KCNAB2: variants seen among roughly 807,000 people sequenced by gnomAD.
KCNAB2 encodes voltage-gated potassium channel subunit beta-2.
Under a neutral mutation model 63.6 loss-of-function variants are expected in KCNAB2, and 29 were observed. The observed-to-expected ratio is 0.46, with a 90% CI of 0.34 to 0.62. The LOEUF is 0.62. KCNAB2 is among the 20% of genes least tolerant of loss of function. The pLI, the probability that KCNAB2 is intolerant of heterozygous loss-of-function variation, is 0.01. For synonymous variants in KCNAB2, 222 were observed against 224.2 expected, an observed-to-expected ratio of 0.99 and a Z score of 0.09; for missense variants, 359 against 563.9, an observed-to-expected ratio of 0.64 and a Z score of 3.68.
rs1029377051 is a variant in KCNAB2, at chr1:6,096,023, C to T, written c.948+399C>T. Reference sequence around the variant, plus strand: ...CACATGGAGGTGACCCTGGGAGAGGCGCCCCTCCCCACCACACAACCTCTG... The same window carrying T: ...CACATGGAGGTGACCCTGGGAGAGGTGCCCCTCCCCACCACACAACCTCTG... On this transcript the variant is annotated intron_variant, in intron 13 of 15. Coordinates refer to ENST00000378083, the MANE Select transcript of KCNAB2 (RefSeq NM_001199862.2). The surrounding 1 kb of genome is among the most constrained non-coding windows in gnomAD (Gnocchi z 5.9). 4 of 456,764 alleles carry T rather than the reference C, an allele frequency of 8.8e-6. No individual in the cohort carries two copies. The highest frequency in any genetic ancestry group is 2.0e-5 in the African/African-American group (1 of 50,276). 28.3% of individuals were successfully genotyped at this position (456,764 alleles called of 1,614,324 possible). A position where few individuals can be genotyped will look rare whatever the true frequency, so the allele number is the denominator to read the frequency against.
At chr1:6,058,088 C>T (rs867424241) in intron 2 of KCNAB2, among the ~76,000 whole-genome samples, 1 of 152,138 alleles carries the variant, frequency 6.6e-6, no homozygotes, top group African/African-American at 2.4e-5. Flanking sequence ...GCAGAGTCTG[C>T]AGTGAGCCGA....
At chr1:6,004,714 C>CA (rs1434624493) in intron 1 of KCNAB2, among the ~76,000 whole-genome samples, 3 of 152,154 alleles carry the variant, frequency 2.0e-5, no homozygotes, top group African/African-American at 7.2e-5. Flanking sequence ...ACCTTAATTA[C>CA]ATCTGCAAAA....
chr1:6,016,440 A>AC (rs1658504261), intron 1 of KCNAB2, among the ~76,000 whole-genome samples: 1 of 152,122 alleles, frequency 6.6e-6, no homozygotes, highest in Admixed American at 6.5e-5. Flanking sequence ...CAATGTGTCC[A>AC]CCCCCTTGAG....
upstream of KCNAB2, among the ~76,000 whole-genome samples, chr1:6,043,547 G>C (rs571478075): frequency 1.3e-5 from 2 of 152,196 alleles, no homozygotes; most frequent in African/African-American, 4.8e-5. Flanking sequence ...CATCCTACCC[G>C]TTGGATCTCC....
intron 1 of KCNAB2, among the ~76,000 whole-genome samples, chr1:6,002,695 C>G (rs1657323885): frequency 6.6e-6 from 1 of 152,216 alleles, no homozygotes; most frequent in Non-Finnish European, 1.5e-5. Context: ...CAGAGAAGGC[C>G]AAGGTCCCTT....
intron 10 of KCNAB2, among the ~76,000 whole-genome samples, chr1:6,091,654 G>T (rs558230592): frequency 9.2e-5 from 14 of 152,234 alleles, no homozygotes; most frequent in African/African-American, 2.2e-4. Flanking sequence ...CCATGGGAAG[G>T]GTTGGGGAAG....
chr1:6,060,681 G>T (rs1557467053), intron 2 of KCNAB2, among the ~76,000 whole-genome samples: 1 of 152,126 alleles, frequency 6.6e-6, no homozygotes, highest in Admixed American at 6.5e-5. Context: ...GCAGGTGGCG[G>T]ATCACAAGGT....
chr1:6,082,948 G>A (rs749125085), intron 5 of KCNAB2, among the ~76,000 whole-genome samples: 17 of 152,292 alleles, frequency 1.1e-4, no homozygotes, highest in Non-Finnish European at 2.4e-4. Flanking sequence ...TAGCTGCTTG[G>A]CCCGCAGCTG....
In KCNAB2 at chr1:5,994,153, C is replaced by G. The variant is rs1298166873; in HGVS notation, c.-53+1365C>G. 6.6e-6 allele frequency among the ~76,000 whole-genome samples: 1 copy of G among 152,204 alleles called. No homozygotes were observed. Among genetic ancestry groups the G allele is most frequent in the Non-Finnish European group, 1.5e-5 (1 of 68,034 alleles). On this transcript the variant is annotated intron_variant, in intron 1 of 16. Coordinates refer to the KCNAB2 transcript ENST00000341524. This position sits in a 1 kb window ranked among gnomAD's most constrained non-coding sequence, Gnocchi z 5.4. ...TGTCGTTTCAGGATTTTTTCTTTCT[C>G]TGCAACTTCTCCTCCCCGACAAAAA...
At chr1:6,063,938 T>A (rs1307342303) in intron 2 of KCNAB2, among the ~76,000 whole-genome samples, 1 of 152,136 alleles carries the variant, frequency 6.6e-6, no homozygotes, top group Non-Finnish European at 1.5e-5. Context: ...GCCGATGACA[T>A]TTTACACTTG....
At chr1:6,056,884 C>G (rs991789213) in intron 2 of KCNAB2, among the ~76,000 whole-genome samples, 4 of 151,942 alleles carry the variant, frequency 2.6e-5, no homozygotes, top group African/African-American at 9.7e-5. Flanking sequence ...CCACTCTAAA[C>G]AAGCACCTAT....
At chr1:6,050,231 C>G (rs996299664) in intron 1 of KCNAB2, among the ~76,000 whole-genome samples, 6 of 152,234 alleles carry the variant, frequency 3.9e-5, no homozygotes, top group Non-Finnish European at 7.3e-5. Context: ...AGCTCCCAGG[C>G]CAGGTTCCAG....
At chr1:6,061,268 T>G (rs527313347) in intron 2 of KCNAB2, among the ~76,000 whole-genome samples, 1 of 152,208 alleles carries the variant, frequency 6.6e-6, no homozygotes, top group Non-Finnish European at 1.5e-5. Context: ...AAATGGGTTG[T>G]AGGTTGAAGT....
intron 1 of KCNAB2, among the ~76,000 whole-genome samples, chr1:6,022,805 C>T (rs775959012): frequency 6.6e-6 from 1 of 151,902 alleles, no homozygotes; most frequent in African/African-American, 2.4e-5. Flanking sequence ...CCGTGTTGTA[C>T]CATATGTCAG....
intron 11 of KCNAB2, among the ~76,000 whole-genome samples, chr1:6,095,107 C>G (rs1401653517): frequency 6.6e-6 from 1 of 152,232 alleles, no homozygotes; most frequent in African/African-American, 2.4e-5. Flanking sequence ...ACTGGACCCT[C>G]CGGCCTGGGG....
At chr1:6,048,417 A>T (rs1427360349) in intron 1 of KCNAB2, among the ~76,000 whole-genome samples, 1 of 152,202 alleles carries the variant, frequency 6.6e-6, no homozygotes, top group East Asian at 1.9e-4. Flanking sequence ...GCCTCTGCCC[A>T]GCCTACCTCA....
chr1:6,095,577 G>T lies in KCNAB2; in HGVS notation c.901G>T (p.Gly301Cys). 6.2e-7 allele frequency: 1 copy of T among 1,613,220 alleles called. No individual in the cohort carries two copies. The highest frequency in any genetic ancestry group is 8.5e-7 in the Non-Finnish European group (1 of 1,179,890). Residue 301 changes from glycine (G) to cysteine (C), a missense_variant, in exon 13 of 16, where the codon GGC becomes TGC. Gly to Cys is a radical substitution (Grantham distance 159). This residue lies in a region of KCNAB2 where 271 missense variants were observed against 476.1 expected (regional missense o/e 0.57). Transcript: ENST00000378083. ...WSPLACGIVS[G>C]KYDSGIPPYS... ...CCCTCTGGCCTGTGGCATTGTTTCT[G>T]GCAAGTACGACAGTGGCATCCCACC...
chr1:6,006,619 C>A (rs1321175428), intron 1 of KCNAB2, among the ~76,000 whole-genome samples: 1 of 3,674 alleles, frequency 2.7e-4, no homozygotes, highest in African/African-American at 1.5e-3. Flanking sequence ...CTCCCACATC[C>A]CCCCACTCCA....
Position 6,100,433 on chromosome 1 carries a change from G to T in KCNAB2, c.*1859G>T, listed in dbSNP as rs988770081. 5.9e-6 allele frequency: 1 copy of T among 170,368 alleles called. No homozygotes were observed. Among genetic ancestry groups the T allele is most frequent in the Admixed American group, 6.1e-5 (1 of 16,472 alleles). 10.6% of individuals were successfully genotyped at this position (170,368 alleles called of 1,614,324 possible). On this transcript the variant is annotated 3_prime_UTR_variant, in exon 16 of 16. Transcript: ENST00000378083. ...ATGGCCCTGGGCCCAGGTGGGGGTCGCCTGCTTCCTTCCCGGACAGGGTCC... is the reference window on the plus strand; with the variant it reads ...ATGGCCCTGGGCCCAGGTGGGGGTCTCCTGCTTCCTTCCCGGACAGGGTCC...
Sources: allele counts gnomAD v4.1 joint callset (sites outside exome capture counted in the v4.1 genomes callset), GRCh38; gene constraint gnomAD v4.1.1; regional missense constraint gnomAD v4.1.1; non-coding constraint Gnocchi (gnomAD v3.1); transcripts MANE v1.5; gene names NCBI Gene and HGNC (gene_info 2026-07-23, HGNC 2026-07-21).